The following CACNA1I variants were observed in gnomAD, a reference collection of about 807,000 sequenced individuals.
The protein encoded by CACNA1I is calcium voltage-gated channel subunit alpha1 I.
In CACNA1I, 74 loss-of-function variants were observed where a neutral mutation model predicts 201.6. The observed-to-expected ratio is 0.37, with a 90% confidence interval of 0.30 to 0.45. The LOEUF (loss-of-function observed/expected upper bound fraction) is 0.45. Among genes scored for constraint, CACNA1I ranks in the 20% least tolerant of loss-of-function variants. The pLI, the probability that CACNA1I is intolerant of heterozygous loss-of-function variation, is 1.00. For missense variants in CACNA1I, 2,346 were observed against 3,138.1 expected (o/e 0.75, Z 6.03); for synonymous variants, 1,431 against 1,345.2 (o/e 1.06, Z -1.40).
At chr22:39,662,533 G>A in intron 17 of CACNA1I, 98 bp downstream of exon 17, 2 of 966,436 alleles carry the variant, frequency 2.1e-6, no homozygotes, top group Non-Finnish European at 2.9e-6. Flanking sequence ...GGGCCCACGG[G>A]GGGCGTGGCC....
In CACNA1I at chr22:39,642,552, G is replaced by C. The variant is rs188627788; in HGVS notation, c.1057-245G>C. 5.7e-3 allele frequency among the ~76,000 whole-genome samples: 863 copies of C among 152,346 alleles called. 5 individuals are homozygous for C. Among genetic ancestry groups the C allele is most frequent in the African/African-American group, 0.019 (799 of 41,578 alleles). On this transcript the variant is annotated intron_variant, in intron 6 of 36. Coordinates refer to ENST00000402142, the MANE Select transcript of CACNA1I (RefSeq NM_021096.4). The stretch of plus-strand genomic sequence containing the variant: ...TGGTGTGGTAGACTGGAGGGACCAA[G>C]GTTCAAGTCCTGGCACGTCCCCTTC...
chr22:39,679,691 G>A (rs751816815), intron 32 of CACNA1I, 31 bp from the exon 33 acceptor site: 30 of 1,555,936 alleles, frequency 1.9e-5, no homozygotes, highest in South Asian at 5.7e-5. Flanking sequence ...TGATAATCCC[G>A]CCTGTCCCCA....
At chr22:39,578,945 A>G (rs1601790215) in intron 1 of CACNA1I, among the ~76,000 whole-genome samples, 1 of 151,838 alleles carries the variant, frequency 6.6e-6, no homozygotes, top group South Asian at 2.1e-4. Flanking sequence ...GTGGTTCTCA[A>G]CCCCACCAGC....
Position 39,686,303 on chromosome 22 carries a change from C to T in CACNA1I, c.6570C>T (p.Gly2190=), listed in dbSNP as rs1347020606. 3.0e-6 allele frequency: 4 copies of T among 1,328,594 alleles called. No homozygotes were observed. Among genetic ancestry groups the T allele is most frequent in the Admixed American group, 3.2e-5 (1 of 31,626 alleles). 82.3% of individuals were successfully genotyped at this position (1,328,594 alleles called of 1,614,324 possible). Residue 2190 remains glycine (G), a synonymous_variant, in exon 37 of 37, where the codon GGC becomes GGT. Coordinates refer to ENST00000402142, the MANE Select transcript of CACNA1I (RefSeq NM_021096.4). ...CGGACCGCAGCAAGGACCCCCCCGG[C>T]CGGGCACCGCTGCCCATGGGCCTGG... is the stretch of plus-strand genomic sequence containing the variant. ...WAADRSKDPP[G]RAPLPMGLGP... is the part of the protein sequence containing the mutation.
At chr22:39,645,415 C>T (rs768597132) in intron 7 of CACNA1I, among the ~76,000 whole-genome samples, 81 of 152,230 alleles carry the variant, frequency 5.3e-4, no homozygotes, top group Non-Finnish European at 1.1e-3. Flanking sequence ...GAGGCAGGGG[C>T]GGGTAGGAGC....
intron 1 of CACNA1I, among the ~76,000 whole-genome samples, chr22:39,591,536 G>A (rs1160041818): frequency 6.6e-6 from 1 of 151,968 alleles, no homozygotes; most frequent in Non-Finnish European, 1.5e-5. Flanking sequence ...CACAGGGGCT[G>A]TACTAGCATC....
chr22:39,673,013 G>A lies in CACNA1I; in HGVS notation c.4714G>A (p.Glu1572Lys). ...SVMGITLEEI[E>K]INAALPINPT... ...CATGGGCATCACCCTGGAGGAGATC[G>A]AGATCAATGCGGCCCTGCCCATCAA... The change falls in exon 28 of 37, where the codon GAG becomes AAG. Residue 1572 changes from glutamate to lysine, a missense_variant. Physicochemically the swap from Glu to Lys is moderately conservative, Grantham distance 56. This residue lies in a region of CACNA1I where 228 missense variants were observed against 395.7 expected (regional missense o/e 0.58). Coordinates refer to ENST00000402142, the MANE Select transcript of CACNA1I (RefSeq NM_021096.4). The A allele has an allele frequency of 6.2e-7, 1 of 1,613,856 alleles. No homozygotes were observed. Among genetic ancestry groups the A allele is most frequent in the East Asian group, 2.2e-5 (1 of 44,878 alleles).
In CACNA1I at chr22:39,679,134, G is replaced by A. The variant is rs1440783799; in HGVS notation, c.5083G>A (p.Glu1695Lys). The change falls in exon 32 of 37, where the codon GAG becomes AAG. Residue 1695 changes from glutamate (E) to lysine (K), a missense_variant. Glu to Lys is a moderately conservative substitution (Grantham distance 56, BLOSUM62 1). This residue lies in a region of CACNA1I where 64 missense variants were observed against 131.8 expected (regional missense o/e 0.49). Transcript: ENST00000402142. ...KDTLRDCTHD[E>K]RSCLSSLQFV... The stretch of plus-strand genomic sequence containing the variant: ...CACGCTGCGGGACTGCACCCACGAC[G>A]AGCGCAGCTGCCTGAGCAGCCTGCA... The A allele has an allele frequency of 3.8e-6, 6 of 1,594,236 alleles. No homozygotes were observed. The highest frequency in any genetic ancestry group is 1.1e-5 in the South Asian group (1 of 87,356).
intron 1 of CACNA1I, among the ~76,000 whole-genome samples, chr22:39,579,613 G>C (rs975456427): frequency 2.6e-5 from 4 of 151,924 alleles, no homozygotes; most frequent in African/African-American, 9.7e-5. Flanking sequence ...GTGTTGCATG[G>C]AGAGAGAGGG....
At chr22:39,609,314 C>G (rs913782788) in intron 3 of CACNA1I, among the ~76,000 whole-genome samples, 1 of 152,172 alleles carries the variant, frequency 6.6e-6, no homozygotes, top group African/African-American at 2.4e-5. Context: ...GGTCCTGGTT[C>G]AGTGTGACTG....
At chr22:39,607,089 CA>C (rs1250694658) in intron 3 of CACNA1I, among the ~76,000 whole-genome samples, 1 of 152,132 alleles carries the variant, frequency 6.6e-6, no homozygotes, top group Non-Finnish European at 1.5e-5. Context: ...GGGGGTGAGC[CA>C]GGGGTGGAGG....
At chr22:39,596,035 C>T (rs1243376229) in intron 1 of CACNA1I, among the ~76,000 whole-genome samples, 20 of 147,564 alleles carry the variant, frequency 1.4e-4, no homozygotes, top group Admixed American at 1.2e-3. Flanking sequence ...GGGAACAGCA[C>T]ATGCAAAGGC....
chr22:39,610,079 C>G (rs1239422347), intron 3 of CACNA1I, among the ~76,000 whole-genome samples: 1 of 152,226 alleles, frequency 6.6e-6, no homozygotes, highest in Non-Finnish European at 1.5e-5. Context: ...TCTGTGTGCA[C>G]TATTGGTGGG....
intron 4 of CACNA1I, among the ~76,000 whole-genome samples, chr22:39,625,032 C>T (rs1224891261): frequency 1.3e-5 from 2 of 151,596 alleles, no homozygotes; most frequent in Non-Finnish European, 2.9e-5. Context: ...CTCAGTCTCC[C>T]GAGTAGCTGG....
intron 33 of CACNA1I, 148 bp from the exon 34 acceptor site, chr22:39,680,782 C>A: frequency 1.2e-6 from 1 of 815,340 alleles, no homozygotes; most frequent in Non-Finnish European, 1.8e-6. Context: ...ACAGGATGGA[C>A]ACATCATCCG....
intron 15 of CACNA1I, 44 bp from the exon 16 acceptor site, chr22:39,661,064 G>C (rs1339527344): frequency 6.7e-7 from 1 of 1,491,618 alleles, no homozygotes; most frequent in African/African-American, 1.4e-5. Flanking sequence ...GTTCTGTCCT[G>C]TCTGCCATCT....
Position 39,649,558 on chromosome 22 carries a change from T to C in CACNA1I, c.1625T>C (p.Ile542Thr), listed in dbSNP as rs1389183085. The C allele has an allele frequency of 5.8e-6, 9 of 1,548,624 alleles. No individual in the cohort carries two copies. The East Asian group carries it at 1.5e-4, about 25-fold the overall frequency. Residue 542 changes from isoleucine (I) to threonine (T), a missense_variant, in exon 10 of 37, where the codon ATC (isoleucine) becomes ACC (threonine). Ile to Thr is a moderately conservative substitution (Grantham distance 89, BLOSUM62 -1). Coordinates refer to ENST00000402142, the MANE Select transcript of CACNA1I (RefSeq NM_021096.4). The surrounding 1 kb of genome is among the most constrained non-coding windows in gnomAD (Gnocchi z 7.3). ...DATPHTLVQPIPATLASDPAS... is the reference protein window; with the variant it reads ...DATPHTLVQPTPATLASDPAS... ...ACGCCCCACACCCTGGTGCAGCCCA[T>C]CCCCGCCACGCTGGCTTCCGATCCC... is the stretch of plus-strand genomic sequence containing the variant.
chr22:39,576,647 G>C (rs766417013), intron 1 of CACNA1I, among the ~76,000 whole-genome samples: 8 of 152,314 alleles, frequency 5.3e-5, no homozygotes, highest in Non-Finnish European at 7.3e-5. Flanking sequence ...CTCTCTGCTC[G>C]GGAAAGGGGA....
chr22:39,591,839 C>T (rs1932826189), intron 1 of CACNA1I, among the ~76,000 whole-genome samples: 1 of 152,256 alleles, frequency 6.6e-6, no homozygotes. Context: ...GGATCACAGG[C>T]ATAAGCCACC....
Sources: allele counts gnomAD v4.1 joint callset (sites outside exome capture counted in the v4.1 genomes callset), GRCh38; gene constraint gnomAD v4.1.1; regional missense constraint gnomAD v4.1.1; non-coding constraint Gnocchi (gnomAD v3.1); transcripts MANE v1.5; gene names NCBI Gene and HGNC (gene_info 2026-07-23, HGNC 2026-07-21).